Variants in RARS2 observed in about 807,000 individuals in gnomAD.
RARS2 encodes the protein probable arginine--tRNA ligase, mitochondrial.
RARS2 carries 67 observed loss-of-function variants against 88.5 expected under a neutral mutation model. The observed-to-expected ratio is 0.76, with a 90% CI of 0.62 to 0.93. RARS2 has a LOEUF of 0.93. Ranked by LOEUF, RARS2 falls within the 40% of genes least tolerant of loss-of-function variation. The pLI is 0.00. For missense variants in RARS2, 664 were observed against 684.2 expected (o/e 0.97, Z 0.33); for synonymous variants, 239 against 230.3 (o/e 1.04, Z -0.34).
chr6:87,534,875 G>A (rs1395499995), intron 8 of RARS2, among the ~76,000 whole-genome samples: 1 of 152,184 alleles, frequency 6.6e-6, no homozygotes, highest in Non-Finnish European at 1.5e-5. Context: ...ACAGGGCAAG[G>A]ACCACCAGCT....
chr6:87,578,424 C>T (rs1460505302), intron 1 of RARS2, among the ~76,000 whole-genome samples: 1 of 152,060 alleles, frequency 6.6e-6, no homozygotes, highest in Non-Finnish European at 1.5e-5. Flanking sequence ...TTCTTTGCAT[C>T]CTTTTGTATT....
At chr6:87,589,593 A>C (rs1180947289) in intron 1 of RARS2, 31 of 880,300 alleles carry the variant, frequency 3.5e-5, no homozygotes, top group Non-Finnish European at 3.9e-5. Flanking sequence ...CTAAAGTGTA[A>C]AGAACACTAA....
At chr6:87,552,368 C>A (rs912605788) in intron 5 of RARS2, among the ~76,000 whole-genome samples, 1 of 152,122 alleles carries the variant, frequency 6.6e-6, no homozygotes, top group Non-Finnish European at 1.5e-5. Context: ...AGAACTATAG[C>A]ACCTGGAAAA....
In RARS2 at chr6:87,529,652, A is replaced by G. The variant is rs1413353465; in HGVS notation, c.772-4T>C. On this transcript the variant is annotated splice_region_variant and splice_polypyrimidine_tract_variant and intron_variant, in intron 9 of 19. Transcript: ENST00000369536. ...CATCAAAATATACTCCCAGACGCTA[A>G]AAGAGTTCAGAAACAAAAAGACAAA... 3 of 1,580,038 alleles carry G rather than the reference A, an allele frequency of 1.9e-6. No homozygotes were observed. The African/African-American group carries it at 4.1e-5, about 21-fold the overall frequency.
At chr6:87,546,453 T>C (rs1351982497) in intron 6 of RARS2, among the ~76,000 whole-genome samples, 2 of 152,248 alleles carry the variant, frequency 1.3e-5, no homozygotes, top group Admixed American at 6.5e-5. Context: ...GAGGTCCTAG[T>C]ATTCCATGAT....
chr6:87,557,310 T>C (rs1562194691), intron 4 of RARS2, among the ~76,000 whole-genome samples: 1 of 152,214 alleles, frequency 6.6e-6, no homozygotes, highest in Non-Finnish European at 1.5e-5. Context: ...ATAGACAGTA[T>C]ACAGAATAGT....
chr6:87,588,855 G>T (rs1776036771), intron 1 of RARS2, among the ~76,000 whole-genome samples: 1 of 152,076 alleles, frequency 6.6e-6, no homozygotes. Flanking sequence ...ATACCCATCA[G>T]TAAAATCTGA....
chr6:87,588,216 C>T (rs958556015), intron 1 of RARS2, among the ~76,000 whole-genome samples: 1 of 152,290 alleles, frequency 6.6e-6, no homozygotes, highest in Non-Finnish European at 1.5e-5. Context: ...TCCAAAACTA[C>T]CTTCCCTGAT....
At chr6:87,544,296 T>C (rs1215292558) in intron 7 of RARS2, among the ~76,000 whole-genome samples, 1 of 152,254 alleles carries the variant, frequency 6.6e-6, no homozygotes, top group East Asian at 1.9e-4. Flanking sequence ...AGGGCATGTA[T>C]TCTGATTCTT....
intron 10 of RARS2, among the ~76,000 whole-genome samples, chr6:87,527,600 C>A (rs1034123085): frequency 1.3e-5 from 2 of 151,994 alleles, no homozygotes; most frequent in African/African-American, 2.4e-5. Context: ...AGAAAACAAT[C>A]AACAAAATGA....
At chr6:87,526,755 C>G (rs1399122284) in intron 10 of RARS2, among the ~76,000 whole-genome samples, 1 of 151,010 alleles carries the variant, frequency 6.6e-6, no homozygotes, top group Non-Finnish European at 1.5e-5. Context: ...ACCGCAACCT[C>G]TGCCTCCCGG....
At chr6:87,554,674 G>A (rs559147187) in intron 5 of RARS2, among the ~76,000 whole-genome samples, 9 of 151,916 alleles carry the variant, frequency 5.9e-5, no homozygotes, top group Admixed American at 1.3e-4. Flanking sequence ...GGCTGGTCTC[G>A]AACTCTTGGC....
At chr6:87,539,392 T>C (rs1199004841) in intron 8 of RARS2, among the ~76,000 whole-genome samples, 1 of 152,226 alleles carries the variant, frequency 6.6e-6, no homozygotes, top group Non-Finnish European at 1.5e-5. Flanking sequence ...CTGCTAGCCG[T>C]AATAAAGAAA....
intron 11 of RARS2, among the ~76,000 whole-genome samples, 185 bp downstream of exon 11, chr6:87,524,372 T>A (rs575863647): frequency 6.6e-6 from 1 of 152,376 alleles, no homozygotes; most frequent in South Asian, 2.1e-4. Flanking sequence ...TCTTTTAGTA[T>A]ACATTTCCTG....
At chr6:87,568,443 T>C (rs949405841) in intron 2 of RARS2, among the ~76,000 whole-genome samples, 2 of 151,616 alleles carry the variant, frequency 1.3e-5, no homozygotes, top group Non-Finnish European at 2.9e-5. Context: ...GAGGCAGCAG[T>C]GAGCCGAGAT....
In RARS2 at chr6:87,579,004, T is replaced by C. The variant is rs548388198; in HGVS notation, c.37-9414A>G. On this transcript the variant is annotated intron_variant, in intron 1 of 19. Transcript: ENST00000369536. ...AAAAAAGACTAATATTTACTGATACTGAATACATACAATATACCAAACACA... is the reference window on the plus strand; with the variant it reads ...AAAAAAGACTAATATTTACTGATACCGAATACATACAATATACCAAACACA... Among the ~76,000 whole-genome samples, 120 of 143,634 alleles carry C rather than the reference T, an allele frequency of 8.4e-4. No individual in the cohort carries two copies. The Middle Eastern group carries it at 0.023, about 27-fold the overall frequency. The allele number at this position is 143,634 out of a possible 152,430, so 94.2% of individuals were successfully genotyped here.
At position 87,567,001 on chromosome 6, in the gene RARS2, C is replaced by T. The variant is rs1373546945; in HGVS notation, c.110+2516G>A. ...ATGTTGCCCAAGCTGGTCTTGAACT[C>T]CTGAGCTCAAGCAATCCTTCTACCT... On this transcript the variant is annotated intron_variant, in intron 2 of 19. Transcript: ENST00000369536. Among the ~76,000 whole-genome samples, 10 of 151,872 alleles carry T rather than the reference C, an allele frequency of 6.6e-5. No individual in the cohort carries two copies. The East Asian group carries it at 1.9e-3, about 29-fold the overall frequency.
intron 5 of RARS2, among the ~76,000 whole-genome samples, chr6:87,554,531 A>T (rs62417688): frequency 2.4e-3 from 362 of 152,312 alleles, no homozygotes; most frequent in Non-Finnish European, 4.6e-3. Flanking sequence ...ATCACAGCTC[A>T]CTGTAACCTT....
intron 9 of RARS2, 35 bp from the exon 10 acceptor site, chr6:87,529,683 GT>G: frequency 6.9e-7 from 1 of 1,456,254 alleles, no homozygotes; most frequent in Non-Finnish European, 9.6e-7. Context: ...ACAAAGAAAT[GT>G]TAATTGAATC....
Sources: allele counts gnomAD v4.1 joint callset (sites outside exome capture counted in the v4.1 genomes callset), GRCh38; gene constraint gnomAD v4.1.1; transcripts MANE v1.5; gene names NCBI Gene and HGNC (gene_info 2026-07-23, HGNC 2026-07-21).